Variants in ARHGAP22 observed in about 807,000 individuals in gnomAD.
ARHGAP22 encodes the protein rho GTPase-activating protein 22.
In ARHGAP22, 48 loss-of-function variants were observed where a neutral mutation model predicts 59.1. The ratio of observed to expected loss-of-function variants is 0.81; its 90% CI spans 0.64 to 1.03. The LOEUF (loss-of-function observed/expected upper bound fraction) is 1.03. Among genes scored for constraint, ARHGAP22 ranks in the 50% least tolerant of loss-of-function variants. The probability of loss-of-function intolerance (pLI) is 0.00; values close to 1 mark genes in which losing one functional copy is unlikely to be tolerated. For missense variants in ARHGAP22, 1,015 were observed against 958.7 expected, an observed-to-expected ratio of 1.06 and a Z score of -0.78; for synonymous variants, 445 against 416.4, an observed-to-expected ratio of 1.07 and a Z score of -0.84.
At chr10:48,649,045 C>T (rs931164711) in intron 1 of ARHGAP22, among the ~76,000 whole-genome samples, 4 of 152,172 alleles carry the variant, frequency 2.6e-5, no homozygotes, top group African/African-American at 9.7e-5. Context: ...GCCGACCTCT[C>T]GCCCCGCTGC....
chr10:48,458,368 C>G (rs907215855), intron 5 of ARHGAP22, among the ~76,000 whole-genome samples: 15 of 152,104 alleles, frequency 9.9e-5, no homozygotes, highest in African/African-American at 3.4e-4. Context: ...GGGGCTTCAG[C>G]AGGCAGGCCA....
At chr10:48,437,917 TGGAG>T in the ARHGAP22 span, 1 of 152,190 alleles carries the variant, frequency 6.6e-6, no homozygotes, top group Non-Finnish European at 1.5e-5. Context: ...GTCTAAAAGA[TGGAG>T]GGAAGAGGAC....
chr10:48,655,272 C>G (rs541083431), upstream of ARHGAP22, among the ~76,000 whole-genome samples: 395 of 86,876 alleles, frequency 4.5e-3, no homozygotes, highest in Middle Eastern at 6.9e-3. Flanking sequence ...GGGGGGGGGG[C>G]GGGGGACGCT....
intron 4 of ARHGAP22, among the ~76,000 whole-genome samples, chr10:48,477,127 A>T (rs534833962): frequency 6.6e-6 from 1 of 152,128 alleles, no homozygotes; most frequent in Non-Finnish European, 1.5e-5. Context: ...CTCCCATCCC[A>T]TCTTAACCTC....
chr10:48,446,251 G>T lies in ARHGAP22; in HGVS notation c.*140C>A. The T allele has an allele frequency of 1.1e-6, 1 of 873,250 alleles. No individual in the cohort carries two copies. Among genetic ancestry groups the T allele is most frequent in the Non-Finnish European group, 1.7e-6 (1 of 573,424 alleles). 54.1% of individuals were successfully genotyped at this position (873,250 alleles called of 1,614,324 possible). On this transcript the variant is annotated 3_prime_UTR_variant, in exon 10 of 10. Coordinates refer to ENST00000249601, the MANE Select transcript of ARHGAP22 (RefSeq NM_021226.4). The stretch of plus-strand genomic sequence containing the variant: ...GTGTGGGGTCCCAAAAGTCCCCACA[G>T]TCCCCACAGAGGTATCAGGATCTCT...
At chr10:48,635,425 C>G (rs1262082546) in intron 1 of ARHGAP22, among the ~76,000 whole-genome samples, 1 of 152,226 alleles carries the variant, frequency 6.6e-6, no homozygotes, top group Non-Finnish European at 1.5e-5. Context: ...TGTGGTGAAA[C>G]GTCCCCTCTT....
chr10:48,552,930 G>T (rs907937116), intron 3 of ARHGAP22, among the ~76,000 whole-genome samples: 1 of 152,218 alleles, frequency 6.6e-6, no homozygotes, highest in Non-Finnish European at 1.5e-5. Context: ...CCAGGCTCCT[G>T]TACCTGCCAG....
downstream of ARHGAP22, among the ~76,000 whole-genome samples, chr10:48,442,890 A>G (rs1478421829): frequency 6.6e-6 from 1 of 152,182 alleles, no homozygotes; most frequent in Non-Finnish European, 1.5e-5. Flanking sequence ...TTATGAAACC[A>G]TTGGGTTAAG....
At chr10:48,434,226 GA>G in the ARHGAP22 span, among the ~76,000 whole-genome samples, 21 of 152,164 alleles carry the variant, frequency 1.4e-4, no homozygotes, top group African/African-American at 5.1e-4. Flanking sequence ...TATTAGAGTA[GA>G]AATAAGAAGA....
intron 4 of ARHGAP22, among the ~76,000 whole-genome samples, chr10:48,465,660 A>G (rs532960117): frequency 6.6e-6 from 1 of 152,350 alleles, no homozygotes; most frequent in South Asian, 2.1e-4. Context: ...AGCAGAGTGC[A>G]GCTGCGCAGC....
At chr10:48,570,976 G>A (rs185869441) in intron 2 of ARHGAP22, among the ~76,000 whole-genome samples, 3 of 152,312 alleles carry the variant, frequency 2.0e-5, no homozygotes, top group Admixed American at 6.5e-5. Context: ...CTTTGGCCTC[G>A]TTTTTGACTC....
At chr10:48,604,611 CA>C in intron 1 of ARHGAP22, 151 bp downstream of exon 1, 1 of 1,285,820 alleles carries the variant, frequency 7.8e-7, no homozygotes, top group Non-Finnish European at 1.1e-6. Context: ...CGAGGAAGGG[CA>C]CTTCCTCAGG....
intron 3 of ARHGAP22, among the ~76,000 whole-genome samples, chr10:48,496,594 C>G (rs2134300644): frequency 6.6e-6 from 1 of 152,320 alleles, no homozygotes; most frequent in Non-Finnish European, 1.5e-5. Flanking sequence ...TTCACCTTAG[C>G]TGCTGGGACC....
At chr10:48,541,871 T>A (rs1205709779) in intron 3 of ARHGAP22, among the ~76,000 whole-genome samples, 1 of 152,212 alleles carries the variant, frequency 6.6e-6, no homozygotes, top group African/African-American at 2.4e-5. Context: ...AAGGGTGACA[T>A]TACCTATTGA....
At chr10:48,563,086 A>T (rs1252991525) in intron 2 of ARHGAP22, among the ~76,000 whole-genome samples, 1 of 151,568 alleles carries the variant, frequency 6.6e-6, no homozygotes, top group Non-Finnish European at 1.5e-5. Context: ...CAGCAGCCTC[A>T]CATCTTCAAA....
intron 3 of ARHGAP22, among the ~76,000 whole-genome samples, chr10:48,533,487 C>T (rs1482478359): frequency 3.3e-5 from 5 of 152,152 alleles, no homozygotes; most frequent in Non-Finnish European, 7.3e-5. Context: ...CTCAGGCTCT[C>T]AATTATTTTG....
intron 2 of ARHGAP22, among the ~76,000 whole-genome samples, chr10:48,569,058 G>A (rs1476444346): frequency 2.0e-5 from 3 of 152,182 alleles, no homozygotes; most frequent in African/African-American, 7.2e-5. Context: ...CCTCCTTGGA[G>A]TGGGTGGGGC....
intron 2 of ARHGAP22, among the ~76,000 whole-genome samples, chr10:48,575,937 C>T (rs1327400190): frequency 6.6e-6 from 1 of 152,208 alleles, no homozygotes; most frequent in African/African-American, 2.4e-5. Flanking sequence ...TGGTCAGCCC[C>T]TATCTGTGCT....
At chr10:48,617,093 A>G (rs1423884371) in intron 1 of ARHGAP22, among the ~76,000 whole-genome samples, 1 of 127,002 alleles carries the variant, frequency 7.9e-6, no homozygotes, top group East Asian at 2.1e-4. Flanking sequence ...ATATAGAAAA[A>G]AAGTTTTGTA....
Sources: allele counts gnomAD v4.1 joint callset (sites outside exome capture counted in the v4.1 genomes callset), GRCh38; gene constraint gnomAD v4.1.1; transcripts MANE v1.5; gene names NCBI Gene and HGNC (gene_info 2026-07-23, HGNC 2026-07-21).